VPS39: variants seen among roughly 807,000 people sequenced by gnomAD.
VPS39 encodes the protein vam6/Vps39-like protein.
Under a neutral mutation model 121.0 loss-of-function variants are expected in VPS39, and 70 were observed. The observed-to-expected ratio is 0.58, with a 90% confidence interval of 0.48 to 0.71. VPS39 has a LOEUF of 0.71. VPS39 is among the 30% of genes least tolerant of loss of function. VPS39 has a pLI of 0.00. For synonymous variants in VPS39, 378 were observed against 398.1 expected, an observed-to-expected ratio of 0.95 and a Z score of 0.60; for missense variants, 818 against 1,051.5, an observed-to-expected ratio of 0.78 and a Z score of 3.07.
At chr15:42,194,469 C>T (rs1257327770) in intron 2 of VPS39, among the ~76,000 whole-genome samples, 4 of 151,520 alleles carry the variant, frequency 2.6e-5, no homozygotes, top group African/African-American at 7.3e-5. Context: ...TGTGAAATTC[C>T]GTCTCAAAAA....
intron 1 of VPS39, among the ~76,000 whole-genome samples, chr15:42,202,889 G>A (rs976875678): frequency 5.3e-5 from 8 of 152,044 alleles, no homozygotes; most frequent in African/African-American, 1.9e-4. Flanking sequence ...CTGTCACACT[G>A]GGGCTTAAAA....
intron 8 of VPS39, among the ~76,000 whole-genome samples, chr15:42,180,572 T>C (rs1036558621): frequency 3.3e-5 from 5 of 152,160 alleles, no homozygotes; most frequent in Admixed American, 1.3e-4. Flanking sequence ...AGAAGTTGTA[T>C]GGTGAAGGAG....
intron 2 of VPS39, among the ~76,000 whole-genome samples, chr15:42,195,330 T>G (rs1341781499): frequency 6.6e-6 from 1 of 152,090 alleles, no homozygotes; most frequent in Non-Finnish European, 1.5e-5. Flanking sequence ...GTCCCGGAAC[T>G]TTGGGAGGCT....
chr15:42,161,643 A>C, intron 24 of VPS39, 39 bp downstream of exon 24: 1 of 1,604,974 alleles, frequency 6.2e-7, no homozygotes, highest in Non-Finnish European at 8.5e-7. Flanking sequence ...GGGAACCTCC[A>C]CAAAGCCCAG....
intron 2 of VPS39, among the ~76,000 whole-genome samples, chr15:42,194,508 C>A (rs532735569): frequency 9.3e-4 from 141 of 151,984 alleles, no homozygotes; most frequent in African/African-American, 3.2e-3. Flanking sequence ...ATAAATAAAA[C>A]CCATCACTTG....
chr15:42,184,714 C>G lies in VPS39; in HGVS notation c.535-14G>C. Reference sequence around the variant, plus strand: ...CTTTCCATCCACCTATAGGAAGAAACAGAGTGAGTCACCTAGCATTCCCCA... The same window carrying G: ...CTTTCCATCCACCTATAGGAAGAAAGAGAGTGAGTCACCTAGCATTCCCCA... On this transcript the variant is annotated splice_polypyrimidine_tract_variant and intron_variant, in intron 7 of 24. Transcript: ENST00000318006. The G allele has an allele frequency of 6.3e-7, 1 of 1,599,080 alleles. No individual in the cohort carries two copies. The highest frequency in any genetic ancestry group is 1.3e-5 in the African/African-American group (1 of 74,568).
intron 5 of VPS39, 63 bp from the exon 6 acceptor site, chr15:42,187,919 A>C (rs1434178175): frequency 1.4e-6 from 2 of 1,474,740 alleles, no homozygotes. Context: ...GTGATAACTA[A>C]ATTAGAGATT....
intron 10 of VPS39, among the ~76,000 whole-genome samples, chr15:42,177,036 G>A (rs913290559): frequency 6.6e-6 from 1 of 151,762 alleles, no homozygotes; most frequent in African/African-American, 2.4e-5. Context: ...GGTGGTACAT[G>A]CTTGTGGTCC....
intron 3 of VPS39, 90 bp from the exon 4 acceptor site, chr15:42,191,257 C>T (rs635919): frequency 0.11 from 154,941 of 1,455,248 alleles, 11,140 homozygotes; most frequent in African/African-American, 0.27. Flanking sequence ...AAAGGGACCA[C>T]GGAGCCTATC....
chr15:42,188,438 T>C (rs926632305), intron 5 of VPS39, among the ~76,000 whole-genome samples: 7 of 152,214 alleles, frequency 4.6e-5, no homozygotes, highest in East Asian at 3.9e-4. Context: ...AAGTCCCTAA[T>C]GACAAAGACC....
At chr15:42,172,868 G>T (rs1052732719) in intron 11 of VPS39, among the ~76,000 whole-genome samples, 3 of 152,128 alleles carry the variant, frequency 2.0e-5, no homozygotes, top group Non-Finnish European at 2.9e-5. Flanking sequence ...TCCAGAGTTG[G>T]TCTCCATTGC....
At chr15:42,170,897 A>G (rs2049335984) in intron 11 of VPS39, among the ~76,000 whole-genome samples, 1 of 151,828 alleles carries the variant, frequency 6.6e-6, no homozygotes, top group Admixed American at 6.6e-5. Context: ...CTGCCAGCTA[A>G]TTATTTTTAA....
At chr15:42,194,337 G>A (rs940792383) in intron 2 of VPS39, among the ~76,000 whole-genome samples, 10 of 152,046 alleles carry the variant, frequency 6.6e-5, no homozygotes, top group African/African-American at 2.2e-4. Context: ...AGCCAGGCAT[G>A]GTGGTGGGCG....
chr15:42,200,273 T>G (rs758749254), intron 1 of VPS39, among the ~76,000 whole-genome samples: 23 of 152,186 alleles, frequency 1.5e-4, no homozygotes, highest in Non-Finnish European at 2.6e-4. Context: ...GCTTTGTATT[T>G]TTAAGATTAA....
chr15:42,204,846 T>A (rs1175333877), intron 1 of VPS39, among the ~76,000 whole-genome samples: 2 of 152,174 alleles, frequency 1.3e-5, no homozygotes, highest in African/African-American at 2.4e-5. Flanking sequence ...ATTGTTTCTC[T>A]GGAAAATATA....
chr15:42,161,087 T>C, intron 24 of VPS39: 1 of 458,600 alleles, frequency 2.2e-6, no homozygotes, highest in Admixed American at 3.4e-5. Flanking sequence ...ACAAGGCATA[T>C]TAAAGATGGG....
In VPS39 at chr15:42,187,815, T is replaced by C. The variant is rs568556199; in HGVS notation, c.384A>G (p.Ala128=). 49 of 1,614,188 alleles carry C rather than the reference T, an allele frequency of 3.0e-5. 1 individual carries two copies. In the South Asian group the frequency reaches 5.2e-4, roughly 17 times the overall value. ...AATAGAGCTGCAGCTTCTTTTTTAC[T>C]GCCACACACATCCGTAACACCTCCT... The part of the protein sequence containing the change: ...TGEEVLRMCV[A]VKKKLQLYFW... The change falls in exon 6 of 25, where the codon GCA becomes GCG. Residue 128 remains alanine, a synonymous_variant. Transcript: ENST00000318006.
chr15:42,174,256 AT>A (rs1424734758), intron 10 of VPS39, among the ~76,000 whole-genome samples: 18 of 152,208 alleles, frequency 1.2e-4, no homozygotes, highest in African/African-American at 4.3e-4. Context: ...CAAAAAAAAA[AT>A]AAAAAATAAA....
intron 19 of VPS39, 77 bp downstream of exon 19, chr15:42,164,281 G>A (rs756987006): frequency 1.5e-5 from 24 of 1,577,544 alleles, no homozygotes; most frequent in Non-Finnish European, 2.0e-5. Context: ...TGGAGAGTTG[G>A]GGAACAATTA....
Sources: gnomAD v4.1 joint callset for allele counts (sites outside exome capture counted in the v4.1 genomes callset) on GRCh38, gnomAD v4.1.1 for gene constraint, MANE v1.5 for transcripts, NCBI Gene and HGNC (gene_info 2026-07-23, HGNC 2026-07-21) for gene names.